HLA-E: variants seen among roughly 807,000 people sequenced by gnomAD.
The protein encoded by HLA-E is major histocompatibility complex, class I, E.
In HLA-E, 25 loss-of-function variants were observed where a neutral mutation model predicts 43.4. The ratio of observed to expected loss-of-function variants is 0.58; its 90% CI spans 0.42 to 0.80. The LOEUF is 0.80. HLA-E is among the 30% of genes least tolerant of loss of function. The probability of loss-of-function intolerance (pLI) is 0.00; values close to 1 mark genes in which losing one functional copy is unlikely to be tolerated. For missense variants in HLA-E, 343 were observed against 470.0 expected (o/e 0.73, Z 2.50); for synonymous variants, 161 against 197.6 (o/e 0.81, Z 1.55).
chr6:30,492,381 C>G lies in HLA-E; in HGVS notation c.1004-23C>G, dbSNP rs1413328746. On this transcript the variant is annotated intron_variant, in intron 5 of 7. Coordinates refer to ENST00000376630, the MANE Select transcript of HLA-E (RefSeq NM_005516.6). This position sits in a 1 kb window ranked among gnomAD's most constrained non-coding sequence, Gnocchi z 4.5. ...TGGCCCTGCCTCCTCCCTGGCCCCT[C>G]ACAGGACATTTTCTTCCAACAGGTG... 3 of 1,614,066 alleles carry G rather than the reference C, an allele frequency of 1.9e-6. No homozygotes were observed. The African/African-American group carries it at 4.0e-5, about 22-fold the overall frequency.
At position 30,491,390 on chromosome 6, in the gene HLA-E, C is replaced by T. The variant is rs754354716; in HGVS notation, c.864C>T (p.Pro288=). The change falls in exon 4 of 8, where the codon CCC becomes CCT. Residue 288 remains proline, a synonymous_variant. Transcript: ENST00000376630. This position sits in a 1 kb window ranked among gnomAD's most constrained non-coding sequence, Gnocchi z 5.4. ...YTCHVQHEGL[P]EPVTLRWKPA... The stretch of plus-strand genomic sequence containing the variant: ...GCCATGTGCAGCATGAGGGGCTACC[C>T]GAGCCCGTCACCCTGAGATGGAGTA... 8.1e-6 allele frequency: 13 copies of T among 1,613,978 alleles called. No homozygotes were observed. The highest frequency in any genetic ancestry group is 4.0e-5 in the African/African-American group (3 of 74,890).
chr6:30,490,190 G>A lies in HLA-E; in HGVS notation c.335-50G>A, dbSNP rs1796444069. ...AGGCCAAAATGCCCACAGGGTGGTGGCGACGGGGGCGGGGCTTGGTGGGCG... is the reference window on the plus strand; with the variant it reads ...AGGCCAAAATGCCCACAGGGTGGTGACGACGGGGGCGGGGCTTGGTGGGCG... On this transcript the variant is annotated intron_variant, in intron 2 of 7. Coordinates refer to ENST00000376630, the MANE Select transcript of HLA-E (RefSeq NM_005516.6). The surrounding 1 kb of genome is among the most constrained non-coding windows in gnomAD (Gnocchi z 6.6). 3 of 1,588,950 alleles carry A rather than the reference G, an allele frequency of 1.9e-6. No individual in the cohort carries two copies. The African/African-American group carries it at 4.0e-5, about 21-fold the overall frequency.
chr6:30,489,741 A>C lies in HLA-E; in HGVS notation c.80A>C (p.Lys27Thr). The C allele has an allele frequency of 6.2e-7, 1 of 1,606,380 alleles. No individual in the cohort carries two copies. Among genetic ancestry groups the C allele is most frequent in the Non-Finnish European group, 8.5e-7 (1 of 1,175,620 alleles). ...TQTWAGSHSL[K>T]YFHTSVSRPG... ...TCGCCCCCAGGCTCCCACTCCTTGA[A>C]GTATTTCCACACTTCCGTGTCCCGG... The change falls in exon 2 of 8, where the codon AAG (lysine) becomes ACG (threonine). Residue 27 changes from lysine (K) to threonine (T), a missense_variant. By Grantham distance (78) the Lys-to-Thr change is moderately conservative. This residue lies in a region of HLA-E where 94 missense variants were observed against 144.4 expected (regional missense o/e 0.65). Coordinates refer to ENST00000376630, the MANE Select transcript of HLA-E (RefSeq NM_005516.6). This position sits in a 1 kb window ranked among gnomAD's most constrained non-coding sequence, Gnocchi z 5.6.
Position 30,491,735 on chromosome 6 carries a change from C to T in HLA-E, c.1003+82C>T, listed in dbSNP as rs1796557145. The T allele has an allele frequency of 2.6e-6, 3 of 1,149,294 alleles. No homozygotes were observed. Among genetic ancestry groups the T allele is most frequent in the Non-Finnish European group, 3.8e-6 (3 of 788,374 alleles). 71.2% of individuals were successfully genotyped at this position (1,149,294 alleles called of 1,614,324 possible). On this transcript the variant is annotated intron_variant, in intron 5 of 7. Transcript: ENST00000376630. The surrounding 1 kb of genome is among the most constrained non-coding windows in gnomAD (Gnocchi z 5.4). ...CCCTAGGTAAAAGTGTGTCCTGCCT[C>T]GTTACTGGGAAGCACCATCCACACA...
Position 30,490,606 on chromosome 6 carries a change from G to T in HLA-E, c.610+91G>T. On this transcript the variant is annotated intron_variant, in intron 3 of 7. Coordinates refer to ENST00000376630, the MANE Select transcript of HLA-E (RefSeq NM_005516.6). The surrounding 1 kb of genome is among the most constrained non-coding windows in gnomAD (Gnocchi z 6.6). ...AGACCTCAAACAGTAGAAGAAACAG[G>T]GATGGAGGCCAGAATACCACTCCTC... The T allele has an allele frequency of 1.6e-6, 2 of 1,288,734 alleles. No individual in the cohort carries two copies. The highest frequency in any genetic ancestry group is 2.1e-6 in the Non-Finnish European group (2 of 934,490). The allele number at this position is 1,288,734 out of a possible 1,614,324, so 79.8% of individuals were successfully genotyped here.
In HLA-E at chr6:30,490,065, C is replaced by A. The variant is rs2127269481; in HGVS notation, c.334+70C>A. ...CCCCCACGGACGGCGCGGGTCCCCT[C>A]GAATCTTCGGGTCCCAGATTCACCC... On this transcript the variant is annotated intron_variant, in intron 2 of 7. Coordinates refer to ENST00000376630, the MANE Select transcript of HLA-E (RefSeq NM_005516.6). This position sits in a 1 kb window ranked among gnomAD's most constrained non-coding sequence, Gnocchi z 6.6. 6.6e-7 allele frequency: 1 copy of A among 1,525,858 alleles called. No individual in the cohort carries two copies. Among genetic ancestry groups the A allele is most frequent in the East Asian group, 2.3e-5 (1 of 44,344 alleles). 94.5% of individuals were successfully genotyped at this position (1,525,858 alleles called of 1,614,324 possible).
Position 30,491,345 on chromosome 6 carries a change from A to G in HLA-E, c.819A>G (p.Gly273=). ...QKWAAVVVPS[G]EEQRYTCHVQ... The stretch of plus-strand genomic sequence containing the variant: ...GGGCAGCTGTGGTGGTGCCTTCTGG[A>G]GAGGAGCAGAGATACACGTGCCATG... Residue 273 remains glycine (G), a synonymous_variant, in exon 4 of 8, where the codon GGA becomes GGG. Transcript: ENST00000376630. The surrounding 1 kb of genome is among the most constrained non-coding windows in gnomAD (Gnocchi z 5.4). The G allele has an allele frequency of 6.2e-7, 1 of 1,614,112 alleles. No individual in the cohort carries two copies. Among genetic ancestry groups the G allele is most frequent in the Non-Finnish European group, 8.5e-7 (1 of 1,180,002 alleles).
Position 30,491,902 on chromosome 6 carries a change from T to C in HLA-E, c.1003+249T>C, listed in dbSNP as rs1796567622. On this transcript the variant is annotated intron_variant, in intron 5 of 7. Coordinates refer to ENST00000376630, the MANE Select transcript of HLA-E (RefSeq NM_005516.6). This position sits in a 1 kb window ranked among gnomAD's most constrained non-coding sequence, Gnocchi z 5.4. ...ACCTCCGCCTCCCAGGTTCAAGCAA[T>C]TCTCCTGCCTCAGCCTCCCTAGTAG... is the stretch of plus-strand genomic sequence containing the variant. Among the ~76,000 whole-genome samples, 1 of 152,072 alleles carries C rather than the reference T, an allele frequency of 6.6e-6. No homozygotes were observed. Among genetic ancestry groups the C allele is most frequent in the Non-Finnish European group, 1.5e-5 (1 of 68,012 alleles).
At position 30,492,553 on chromosome 6, in the gene HLA-E, C is replaced by T; in HGVS notation, c.1049C>T (p.Ala350Val). 6.2e-7 allele frequency: 1 copy of T among 1,614,062 alleles called. No homozygotes were observed. The highest frequency in any genetic ancestry group is 8.5e-7 in the Non-Finnish European group (1 of 1,180,016). The stretch of plus-strand genomic sequence containing the variant: ...TGTTCTACCCCAGGGAGCGACAGTG[C>T]CCAGGGGTCTGAGTCTCACAGCTTG... The part of the protein sequence containing the change: ...SYSKAEWSDS[A>V]QGSESHSL The change falls in exon 7 of 8, where the codon GCC (alanine) becomes GTC (valine). Residue 350 changes from alanine to valine, a missense_variant. Coordinates refer to ENST00000376630, the MANE Select transcript of HLA-E (RefSeq NM_005516.6). The surrounding 1 kb of genome is among the most constrained non-coding windows in gnomAD (Gnocchi z 4.5).
At position 30,489,537 on chromosome 6, in the gene HLA-E, A is replaced by G; in HGVS notation, c.6A>G (p.Val2=). 6.6e-7 allele frequency: 1 copy of G among 1,523,658 alleles called. No homozygotes were observed. Among genetic ancestry groups the G allele is most frequent in the Non-Finnish European group, 8.8e-7 (1 of 1,137,466 alleles). The allele number at this position is 1,523,658 out of a possible 1,614,324, so 94.4% of individuals were successfully genotyped here. A position where few individuals can be genotyped will look rare whatever the true frequency, so the allele number is the denominator to read the frequency against. Residue 2 remains valine (V), a synonymous_variant, in exon 1 of 8, where the codon GTA becomes GTG. Coordinates refer to ENST00000376630, the MANE Select transcript of HLA-E (RefSeq NM_005516.6). This position sits in a 1 kb window ranked among gnomAD's most constrained non-coding sequence, Gnocchi z 5.6. M[V]DGTLLLLLSE... ...AGGACTCAGAGGCTGGGATCATGGT[A>G]GATGGAACCCTCCTTTTACTCCTCT... is the stretch of plus-strand genomic sequence containing the variant.
chr6:30,493,313 A>G lies in HLA-E; in HGVS notation c.*567A>G, dbSNP rs548315332. 13 of 152,330 alleles carry G rather than the reference A, an allele frequency of 8.5e-5. No individual in the cohort carries two copies. The East Asian group carries it at 2.5e-3, about 29-fold the overall frequency. 9.4% of individuals were successfully genotyped at this position (152,330 alleles called of 1,614,324 possible). A position where few individuals can be genotyped will look rare whatever the true frequency, so the allele number is the denominator to read the frequency against. Reference sequence around the variant, plus strand: ...CATCTCAAAAAATAAAAATTGAAAAATAAAAAAAGAACCTGGATCTCAATT... The same window carrying G: ...CATCTCAAAAAATAAAAATTGAAAAGTAAAAAAAGAACCTGGATCTCAATT... On this transcript the variant is annotated 3_prime_UTR_variant, in exon 8 of 8. Transcript: ENST00000376630. This position sits in a 1 kb window ranked among gnomAD's most constrained non-coding sequence, Gnocchi z 5.5.
Position 30,491,548 on chromosome 6 carries a change from C to G in HLA-E, c.898C>G (p.Gln300Glu). 6.2e-7 allele frequency: 1 copy of G among 1,613,458 alleles called. No individual in the cohort carries two copies. The highest frequency in any genetic ancestry group is 1.3e-5 in the African/African-American group (1 of 75,054). Residue 300 changes from glutamine (Q) to glutamate (E), a missense_variant, in exon 5 of 8, where the codon CAG (glutamine) becomes GAG (glutamate). Physicochemically the swap from Gln to Glu is conservative, Grantham distance 29. Coordinates refer to ENST00000376630, the MANE Select transcript of HLA-E (RefSeq NM_005516.6). The surrounding 1 kb of genome is among the most constrained non-coding windows in gnomAD (Gnocchi z 5.4). The stretch of plus-strand genomic sequence containing the variant: ...CCCTCTTTTCCCAGAGCCGGCTTCC[C>G]AGCCCACCATCCCCATCGTGGGCAT... Reference protein sequence around the residue: ...PVTLRWKPASQPTIPIVGIIA... With the variant: ...PVTLRWKPASEPTIPIVGIIA...
Position 30,490,548 on chromosome 6 carries a change from C to G in HLA-E, c.610+33C>G, listed in dbSNP as rs2127270640. 1.3e-6 allele frequency: 2 copies of G among 1,597,348 alleles called. No individual in the cohort carries two copies. The highest frequency in any genetic ancestry group is 1.7e-6 in the Non-Finnish European group (2 of 1,171,060). ...GGTCCACAGGGCTACTCTCCCATCT[C>G]CTTCTTGGGCTAGGACTGTGCCCAC... On this transcript the variant is annotated intron_variant, in intron 3 of 7. Coordinates refer to ENST00000376630, the MANE Select transcript of HLA-E (RefSeq NM_005516.6). This position sits in a 1 kb window ranked among gnomAD's most constrained non-coding sequence, Gnocchi z 6.6.
Position 30,492,618 on chromosome 6 carries a change from G to A in HLA-E, c.*2+35G>A, listed in dbSNP as rs1796628517. Reference sequence around the variant, plus strand: ...TGGGGGTCTGAAGTGGGTGGAGGGTGGGGCAGAGGGGACAGGACTGGGTTG... The same window carrying A: ...TGGGGGTCTGAAGTGGGTGGAGGGTAGGGCAGAGGGGACAGGACTGGGTTG... On this transcript the variant is annotated intron_variant, in intron 7 of 7. Transcript: ENST00000376630. This position sits in a 1 kb window ranked among gnomAD's most constrained non-coding sequence, Gnocchi z 4.5. 2 of 1,602,972 alleles carry A rather than the reference G, an allele frequency of 1.2e-6. No homozygotes were observed. Among genetic ancestry groups the A allele is most frequent in the South Asian group, 2.2e-5 (2 of 90,732 alleles).
Position 30,492,683 on chromosome 6 carries a change from G to T in HLA-E, c.*3-66G>T. The T allele has an allele frequency of 8.5e-7, 1 of 1,179,942 alleles. No individual in the cohort carries two copies. The highest frequency in any genetic ancestry group is 2.3e-5 in the East Asian group (1 of 42,810). 73.1% of individuals were successfully genotyped at this position (1,179,942 alleles called of 1,614,324 possible). The stretch of plus-strand genomic sequence containing the variant: ...TTCAGAATTTTTGAGTGTGTGGTGG[G>T]CTGTTCAGAGTGTCATCACTTACCG... On this transcript the variant is annotated intron_variant, in intron 7 of 7. Coordinates refer to ENST00000376630, the MANE Select transcript of HLA-E (RefSeq NM_005516.6). This position sits in a 1 kb window ranked among gnomAD's most constrained non-coding sequence, Gnocchi z 4.5.
Position 30,492,645 on chromosome 6 carries a change from G to A in HLA-E, c.*2+62G>A. 6.5e-7 allele frequency: 1 copy of A among 1,540,424 alleles called. No individual in the cohort carries two copies. The highest frequency in any genetic ancestry group is 1.4e-5 in the African/African-American group (1 of 71,988). The stretch of plus-strand genomic sequence containing the variant: ...GGCAGAGGGGACAGGACTGGGTTGT[G>A]GGGATTTTTTGATTCAGAATTTTTG... On this transcript the variant is annotated intron_variant, in intron 7 of 7. Coordinates refer to ENST00000376630, the MANE Select transcript of HLA-E (RefSeq NM_005516.6). This position sits in a 1 kb window ranked among gnomAD's most constrained non-coding sequence, Gnocchi z 4.5.
Position 30,494,039 on chromosome 6 carries a change from G to C in HLA-E, c.*1293G>C, listed in dbSNP as rs921349461. ...GCCCAATCCCTGCTCCAGTGTGTCC[G>C]TGAGGCAGCACACGAAGTCAAAAGA... is the stretch of plus-strand genomic sequence containing the variant. On this transcript the variant is annotated 3_prime_UTR_variant, in exon 8 of 8. Coordinates refer to ENST00000376630, the MANE Select transcript of HLA-E (RefSeq NM_005516.6). The surrounding 1 kb of genome is among the most constrained non-coding windows in gnomAD (Gnocchi z 4.9). 2 of 152,302 alleles carry C rather than the reference G, an allele frequency of 1.3e-5. No homozygotes were observed. The highest frequency in any genetic ancestry group is 1.9e-4 in the East Asian group (1 of 5,206). The allele number at this position is 152,302 out of a possible 1,614,324, so 9.4% of individuals were successfully genotyped here.
rs376826280 is a variant in HLA-E at position 30,489,550 on chromosome 6, C to G, written c.19C>G (p.Leu7Val). 69 of 1,529,246 alleles carry G rather than the reference C, an allele frequency of 4.5e-5. No homozygotes were observed. The highest frequency in any genetic ancestry group is 6.0e-5 in the Non-Finnish European group (69 of 1,140,796). 94.7% of individuals were successfully genotyped at this position (1,529,246 alleles called of 1,614,324 possible). A position where few individuals can be genotyped will look rare whatever the true frequency, so the allele number is the denominator to read the frequency against. ...TGGGATCATGGTAGATGGAACCCTC[C>G]TTTTACTCCTCTCGGAGGCCCTGGC... The part of the protein sequence containing the change: MVDGTL[L>V]LLLSEALALT... The change falls in exon 1 of 8, where the codon CTT (leucine) becomes GTT (valine). Residue 7 changes from leucine (L) to valine (V), a missense_variant. Leu to Val is a conservative substitution (Grantham distance 32, BLOSUM62 1). Around this residue, in one of 3 missense-constraint regions of HLA-E, gnomAD observed 94 missense variants for 144.4 expected, o/e 0.65. Coordinates refer to ENST00000376630, the MANE Select transcript of HLA-E (RefSeq NM_005516.6). The surrounding 1 kb of genome is among the most constrained non-coding windows in gnomAD (Gnocchi z 5.6).
chr6:30,492,475 C>T lies in HLA-E; in HGVS notation c.1036+39C>T, dbSNP rs73727419. The T allele has an allele frequency of 6.6e-5, 106 of 1,613,928 alleles. No homozygotes were observed. In the African/African-American group the frequency reaches 6.7e-4, roughly 10 times the overall value. On this transcript the variant is annotated intron_variant, in intron 6 of 7. Coordinates refer to ENST00000376630, the MANE Select transcript of HLA-E (RefSeq NM_005516.6). The surrounding 1 kb of genome is among the most constrained non-coding windows in gnomAD (Gnocchi z 4.5). ...GGGAGCGTGGAGGAGCTCGCCCACCCTATAATTCCTCCTGCACCACATCTC... is the reference window on the plus strand; with the variant it reads ...GGGAGCGTGGAGGAGCTCGCCCACCTTATAATTCCTCCTGCACCACATCTC...
Sources: gnomAD v4.1 joint callset for allele counts (sites outside exome capture counted in the v4.1 genomes callset) on GRCh38, gnomAD v4.1.1 for gene constraint, gnomAD v4.1.1 regional missense constraint, Gnocchi (gnomAD v3.1) non-coding constraint, MANE v1.5 for transcripts, NCBI Gene and HGNC (gene_info 2026-07-23, HGNC 2026-07-21) for gene names.